Variants in MACROD2 observed in about 807,000 individuals in gnomAD.
MACROD2 encodes the protein ADP-ribose glycohydrolase MACROD2.
In MACROD2, 36 loss-of-function variants were observed where a neutral mutation model predicts 70.4. That is an observed-to-expected ratio of 0.51 (90% confidence interval 0.39 to 0.68). The LOEUF (loss-of-function observed/expected upper bound fraction) is 0.68. MACROD2 is among the 30% of genes least tolerant of loss of function. The pLI, the probability that MACROD2 is intolerant of heterozygous loss-of-function variation, is 0.00. For synonymous variants in MACROD2, 172 were observed against 178.8 expected (o/e 0.96, Z 0.30); for missense variants, 496 against 538.4 (o/e 0.92, Z 0.78).
At chr20:15,086,063 G>A (rs1393552701) in intron 5 of MACROD2, among the ~76,000 whole-genome samples, 2 of 152,052 alleles carry the variant, frequency 1.3e-5, no homozygotes, top group Admixed American at 6.6e-5. Flanking sequence ...GTGAGGTGGG[G>A]TTGAGGGAGT....
intron 8 of MACROD2, among the ~76,000 whole-genome samples, chr20:15,579,905 G>GA (rs2048500680): frequency 2.6e-5 from 4 of 152,152 alleles, no homozygotes; most frequent in Admixed American, 2.6e-4. Flanking sequence ...AATCCTACAG[G>GA]AAAACACAGA....
chr20:15,697,887 T>C (rs2050398692), intron 8 of MACROD2, among the ~76,000 whole-genome samples: 2 of 152,240 alleles, frequency 1.3e-5, no homozygotes, highest in Admixed American at 6.5e-5. Flanking sequence ...CTGCTTGCTT[T>C]TGGTGTCCAT....
At chr20:14,153,921 T>C (rs1601287601) in intron 3 of MACROD2, among the ~76,000 whole-genome samples, 1 of 152,208 alleles carries the variant, frequency 6.6e-6, no homozygotes, top group African/African-American at 2.4e-5. Context: ...CTGCTGACTC[T>C]TGTTTTAAAT....
At chr20:14,302,107 A>G (rs1286330436) in intron 3 of MACROD2, among the ~76,000 whole-genome samples, 1 of 152,242 alleles carries the variant, frequency 6.6e-6, no homozygotes, top group Non-Finnish European at 1.5e-5. Context: ...TCTGTAGATC[A>G]GAAGTGTAGC....
At chr20:14,349,352 G>A (rs2083097347) in intron 3 of MACROD2, among the ~76,000 whole-genome samples, 2 of 150,190 alleles carry the variant, frequency 1.3e-5, no homozygotes, top group African/African-American at 2.5e-5. Context: ...ATCACATCAT[G>A]GAAAACAGGG....
intron 5 of MACROD2, among the ~76,000 whole-genome samples, chr20:15,000,588 AGT>A: frequency 2.4e-5 from 3 of 127,518 alleles, no homozygotes; most frequent in Middle Eastern, 3.6e-3. Flanking sequence ...GCGCCACTGC[AGT>A]CCGCAGTCCG....
At chr20:15,296,781 T>C (rs918070807) in intron 6 of MACROD2, among the ~76,000 whole-genome samples, 5 of 150,910 alleles carry the variant, frequency 3.3e-5, no homozygotes, top group Non-Finnish European at 1.5e-5. Context: ...TATCAGAAAA[T>C]GCTTTGCAGC....
intron 15 of MACROD2, among the ~76,000 whole-genome samples, chr20:16,033,198 T>C (rs1337960189): frequency 2.0e-5 from 3 of 152,072 alleles, no homozygotes; most frequent in African/African-American, 4.8e-5. Context: ...TGTTCCAAAG[T>C]CAGAAAGAGA....
At chr20:15,005,688 A>G (rs1414376152) in intron 5 of MACROD2, among the ~76,000 whole-genome samples, 1 of 152,110 alleles carries the variant, frequency 6.6e-6, no homozygotes, top group Non-Finnish European at 1.5e-5. Flanking sequence ...CTCCTATTGT[A>G]GTTCTCAAAT....
intron 15 of MACROD2, among the ~76,000 whole-genome samples, chr20:15,994,283 A>T (rs1014326327): frequency 6.6e-6 from 1 of 152,138 alleles, no homozygotes; most frequent in Non-Finnish European, 1.5e-5. Context: ...TACTTCTAAG[A>T]TGCCTCAGTT....
intron 8 of MACROD2, among the ~76,000 whole-genome samples, chr20:15,655,948 A>C (rs1455279661): frequency 6.6e-6 from 1 of 152,144 alleles, no homozygotes; most frequent in Non-Finnish European, 1.5e-5. Flanking sequence ...TTAAGTCTTT[A>C]CCATCATTTA....
chr20:14,946,966 T>C (rs1034350195), intron 5 of MACROD2, among the ~76,000 whole-genome samples: 1 of 152,174 alleles, frequency 6.6e-6, no homozygotes, highest in African/African-American at 2.4e-5. Flanking sequence ...ATATATATTT[T>C]GGTGGAGACA....
intron 3 of MACROD2, among the ~76,000 whole-genome samples, chr20:14,233,698 C>CAAAAAAAAA (rs1261096475): frequency 5.5e-4 from 15 of 27,238 alleles, no homozygotes; most frequent in East Asian, 1.1e-3. Context: ...CTCCGTCTCA[C>CAAAAAAAAA]AAAAAAAAAA....
chr20:14,041,422 T>C (rs1384274180), intron 2 of MACROD2, among the ~76,000 whole-genome samples: 1 of 152,210 alleles, frequency 6.6e-6, no homozygotes, highest in Non-Finnish European at 1.5e-5. Context: ...TTTGAGGACA[T>C]AATTTCTATG....
intron 3 of MACROD2, among the ~76,000 whole-genome samples, chr20:14,378,018 A>G (rs1233458889): frequency 1.3e-5 from 2 of 152,178 alleles, no homozygotes; most frequent in East Asian, 1.9e-4. Context: ...TTTTGCATGC[A>G]TTTTATATTT....
intron 3 of MACROD2, among the ~76,000 whole-genome samples, chr20:14,432,904 A>T (rs2084011175): frequency 1.3e-5 from 2 of 152,078 alleles, no homozygotes. Flanking sequence ...TTGCTTTCAG[A>T]ATCTAAGTCT....
At chr20:14,564,312 C>T (rs1253635809) in intron 4 of MACROD2, among the ~76,000 whole-genome samples, 1 of 151,706 alleles carries the variant, frequency 6.6e-6, no homozygotes, top group African/African-American at 2.4e-5. Flanking sequence ...ATGACTAAGT[C>T]CTCAGAAAAA....
chr20:15,256,408 G>A (rs1443316981), intron 6 of MACROD2, among the ~76,000 whole-genome samples: 2 of 151,844 alleles, frequency 1.3e-5, no homozygotes, highest in African/African-American at 4.8e-5. Context: ...AGAACATAGG[G>A]ATTTGGTGTG....
chr20:14,971,938 G>A (rs527661600), intron 5 of MACROD2, among the ~76,000 whole-genome samples: 17 of 152,236 alleles, frequency 1.1e-4, no homozygotes, highest in East Asian at 1.9e-4. Context: ...GCATTCACCC[G>A]GGCAAGCTTC....
Sources: allele counts gnomAD v4.1 joint callset (sites outside exome capture counted in the v4.1 genomes callset), GRCh38; gene constraint gnomAD v4.1.1; transcripts MANE v1.5; gene names NCBI Gene and HGNC (gene_info 2026-07-23, HGNC 2026-07-21).